TASP1: variants seen among roughly 807,000 people sequenced by gnomAD.
TASP1 encodes the protein taspase 1.
Under a neutral mutation model 56.6 loss-of-function variants are expected in TASP1, and 16 were observed. The observed-to-expected ratio is 0.28, with a 90% CI of 0.19 to 0.43. The LOEUF (loss-of-function observed/expected upper bound fraction) is 0.43. TASP1 is among the 20% of genes least tolerant of loss of function. TASP1 has a pLI of 1.00. For synonymous variants in TASP1, 179 were observed against 184.2 expected, an observed-to-expected ratio of 0.97 and a Z score of 0.23; for missense variants, 393 against 511.6, an observed-to-expected ratio of 0.77 and a Z score of 2.24.
At chr20:13,404,078 C>T (rs912587871) in intron 13 of TASP1, among the ~76,000 whole-genome samples, 2 of 152,116 alleles carry the variant, frequency 1.3e-5, no homozygotes, top group South Asian at 2.1e-4. Flanking sequence ...CTATTACTGC[C>T]CCCAAATTCC....
chr20:13,372,906 G>T, the TASP1 span, among the ~76,000 whole-genome samples: 1 of 151,850 alleles, frequency 6.6e-6, no homozygotes, highest in East Asian at 1.9e-4. Context: ...TGTTCCTCCT[G>T]TATAGCTCTA....
intron 11 of TASP1, among the ~76,000 whole-genome samples, chr20:13,479,118 A>T (rs2043044414): frequency 6.6e-6 from 1 of 152,156 alleles, no homozygotes; most frequent in African/African-American, 2.4e-5. Flanking sequence ...AAAGCCATAA[A>T]TATACATACC....
chr20:13,289,508 T>C, the TASP1 span, among the ~76,000 whole-genome samples: 1 of 152,206 alleles, frequency 6.6e-6, no homozygotes, highest in Non-Finnish European at 1.5e-5. Flanking sequence ...TCAACAATAA[T>C]TGTGATTGAC....
chr20:13,200,747 A>G, the TASP1 span, among the ~76,000 whole-genome samples: 1 of 152,270 alleles, frequency 6.6e-6, no homozygotes, highest in African/African-American at 2.4e-5. Flanking sequence ...CATTGGAGGT[A>G]AATTTCCACC....
chr20:13,538,039 G>C (rs1384978108), intron 8 of TASP1, among the ~76,000 whole-genome samples: 1 of 132,554 alleles, frequency 7.5e-6, no homozygotes, highest in Non-Finnish European at 1.6e-5. Flanking sequence ...TTTCGCTCTT[G>C]TTGCCCAGGC....
At chr20:13,509,448 G>A (rs77922597) in intron 10 of TASP1, among the ~76,000 whole-genome samples, 1,567 of 152,170 alleles carry the variant, frequency 0.01, 30 homozygotes, top group African/African-American at 0.035. Context: ...TAATAATAAT[G>A]TATTGTAGAA....
intron 13 of TASP1, among the ~76,000 whole-genome samples, chr20:13,407,222 G>A (rs529749885): frequency 6.6e-6 from 1 of 152,208 alleles, no homozygotes; most frequent in Admixed American, 6.5e-5. Context: ...AAGAAACCCT[G>A]TGCCCATTAG....
In TASP1 at chr20:13,580,798, C is replaced by T. The variant is rs146615455; in HGVS notation, c.488+99G>A. On this transcript the variant is annotated intron_variant, in intron 6 of 13. Transcript: ENST00000337743. ...ATCACGGAACAAAGTTTGTCTTCTT[C>T]GCAAAGGCATGCTACCTGGTATGTA... 27 of 1,165,996 alleles carry T rather than the reference C, an allele frequency of 2.3e-5. No homozygotes were observed. In the East Asian group the frequency reaches 5.4e-4, roughly 23 times the overall value. The allele number at this position is 1,165,996 out of a possible 1,614,324, so 72.2% of individuals were successfully genotyped here.
chr20:13,117,840 T>G, the TASP1 span: 1 of 959,490 alleles, frequency 1.0e-6, no homozygotes, highest in Non-Finnish European at 1.5e-6. Flanking sequence ...CCTCAGCTGA[T>G]CACTCCAGCC....
At chr20:13,275,904 C>T in the TASP1 span, among the ~76,000 whole-genome samples, 4 of 152,192 alleles carry the variant, frequency 2.6e-5, no homozygotes, top group African/African-American at 9.6e-5. Flanking sequence ...CAGTTTCCGT[C>T]CCTGAAAATT....
intron 5 of TASP1, 119 bp downstream of exon 5, chr20:13,587,131 A>G (rs1263389926): frequency 2.3e-6 from 3 of 1,290,790 alleles, no homozygotes; most frequent in Non-Finnish European, 2.1e-6. Flanking sequence ...AAAAAAGAAC[A>G]TTTGTTTTAA....
the TASP1 span, among the ~76,000 whole-genome samples, chr20:13,132,314 C>G: frequency 6.6e-6 from 1 of 151,208 alleles, no homozygotes; most frequent in East Asian, 2.0e-4. Flanking sequence ...GTAGCTGGGA[C>G]TACAGGAACC....
At chr20:13,579,061 C>T (rs2047025763) in intron 6 of TASP1, among the ~76,000 whole-genome samples, 1 of 152,162 alleles carries the variant, frequency 6.6e-6, no homozygotes, top group African/African-American at 2.4e-5. Context: ...TTCTTGCCAA[C>T]CAAACAACTA....
intron 11 of TASP1, among the ~76,000 whole-genome samples, chr20:13,457,267 TAATAAAA>T (rs1288904910): frequency 3.3e-5 from 5 of 151,970 alleles, no homozygotes; most frequent in Admixed American, 6.6e-5. Flanking sequence ...ACTTAAAGTA[TAATAAAA>T]AATAAAAAAT....
rs916202631 is a variant in TASP1, at chr20:13,576,395, A to C, written c.488+4502T>G. Among the ~76,000 whole-genome samples, 1,150 of 142,216 alleles carry C rather than the reference A, an allele frequency of 8.1e-3. 1 individual carries two copies. Among genetic ancestry groups the C allele is most frequent in the African/African-American group, 0.029 (1,084 of 36,864 alleles). 93.3% of individuals were successfully genotyped at this position (142,216 alleles called of 152,430 possible). On this transcript the variant is annotated intron_variant, in intron 6 of 13. Transcript: ENST00000337743. ...AAAGAAAGAAAGAAAGAAAGAAAGA[A>C]AGTCAGTCTTATGGAATCTATAAAA...
At chr20:13,204,961 C>T in the TASP1 span, among the ~76,000 whole-genome samples, 3 of 152,084 alleles carry the variant, frequency 2.0e-5, no homozygotes, top group Admixed American at 6.5e-5. Flanking sequence ...GACTCCCCTC[C>T]AAGAGAGACC....
the TASP1 span, chr20:13,167,588 T>C: frequency 6.6e-6 from 1 of 152,200 alleles, no homozygotes; most frequent in Non-Finnish European, 1.5e-5. Flanking sequence ...AGGTTCCAGA[T>C]GATATTTGTA....
At chr20:13,586,090 G>A (rs996094604) in intron 5 of TASP1, among the ~76,000 whole-genome samples, 61 of 144,350 alleles carry the variant, frequency 4.2e-4, no homozygotes, top group African/African-American at 1.1e-3. Context: ...AGCCGAGATC[G>A]CACCACTGCA....
chr20:13,520,841 A>G (rs1021213393), intron 10 of TASP1, among the ~76,000 whole-genome samples: 11 of 152,334 alleles, frequency 7.2e-5, no homozygotes, highest in African/African-American at 2.6e-4. Flanking sequence ...CAGGCAACCT[A>G]TAGAATGGGA....
Sources: gnomAD v4.1 joint callset for allele counts (sites outside exome capture counted in the v4.1 genomes callset) on GRCh38, gnomAD v4.1.1 for gene constraint, MANE v1.5 for transcripts, NCBI Gene and HGNC (gene_info 2026-07-23, HGNC 2026-07-21) for gene names.